Variants in RGL1 observed in about 807,000 individuals in gnomAD.
RGL1 encodes ral guanine nucleotide dissociation stimulator like 1, also known as ral guanine nucleotide dissociation stimulator-like 1.
A neutral mutation model predicts 95.2 loss-of-function variants in RGL1; 24 were observed. The observed-to-expected ratio is 0.25, with a 90% CI of 0.18 to 0.35. RGL1 has a LOEUF of 0.35. Among genes scored for constraint, RGL1 ranks in the 10% least tolerant of loss-of-function variants. The probability of loss-of-function intolerance (pLI) is 1.00; values close to 1 mark genes in which losing one functional copy is unlikely to be tolerated. For synonymous variants in RGL1, 329 were observed against 344.9 expected (o/e 0.95, Z 0.51); for missense variants, 715 against 936.3 (o/e 0.76, Z 3.08).
Position 183,926,564 on chromosome 1 carries a change from A to C in RGL1, c.*272A>C. The C allele has an allele frequency of 4.3e-6, 1 of 235,136 alleles. No homozygotes were observed. Among genetic ancestry groups the C allele is most frequent in the Non-Finnish European group, 8.3e-6 (1 of 120,214 alleles). 14.6% of individuals were successfully genotyped at this position (235,136 alleles called of 1,614,324 possible). On this transcript the variant is annotated 3_prime_UTR_variant, in exon 18 of 18. Coordinates refer to ENST00000360851, the MANE Select transcript of RGL1 (RefSeq NM_001297671.3). ...CAACATTTAAAACATATATATGCAC[A>C]TGTATTTGGTATGCATGTGTATCTA...
intron 2 of RGL1, 21 bp downstream of exon 2, chr1:183,806,506 G>T: frequency 6.6e-7 from 1 of 1,504,302 alleles, no homozygotes; most frequent in Non-Finnish European, 9.3e-7. Flanking sequence ...CTGGCGAGAT[G>T]GTGAACTTTG....
In RGL1 at chr1:183,884,761, C is replaced by T. The variant is rs201100414; in HGVS notation, c.774C>T (p.Gly258=). ...FKKVVPHHCL[G]CIWSRRDKKE... Reference sequence around the variant, plus strand: ...AAGTAGTGCCTCACCACTGCCTGGGCTGCATTTGGTCTCGAAGGGATAAGA... The same window carrying T: ...AAGTAGTGCCTCACCACTGCCTGGGTTGCATTTGGTCTCGAAGGGATAAGA... Residue 258 remains glycine (G), a synonymous_variant, in exon 7 of 18, where the codon GGC becomes GGT. Coordinates refer to ENST00000360851, the MANE Select transcript of RGL1 (RefSeq NM_001297671.3). 6.2e-6 allele frequency: 10 copies of T among 1,614,068 alleles called. No homozygotes were observed. The African/African-American group carries it at 1.1e-4, about 17-fold the overall frequency.
intron 1 of RGL1, among the ~76,000 whole-genome samples, chr1:183,638,198 G>T (rs566830331): frequency 2.6e-5 from 4 of 152,264 alleles, no homozygotes; most frequent in Non-Finnish European, 4.4e-5. Context: ...AATAGTGAAA[G>T]AAATTTAAAT....
intron 1 of RGL1, among the ~76,000 whole-genome samples, chr1:183,664,900 T>C (rs1651925674): frequency 6.6e-6 from 1 of 152,132 alleles, no homozygotes; most frequent in South Asian, 2.1e-4. Flanking sequence ...TTGTGTTAGC[T>C]AGGATTTCCA....
At chr1:183,748,906 C>T (rs1657823688) in intron 2 of RGL1, among the ~76,000 whole-genome samples, 1 of 152,124 alleles carries the variant, frequency 6.6e-6, no homozygotes, top group African/African-American at 2.4e-5. Flanking sequence ...GCAAGTTGTT[C>T]AGTTTCCATG....
At chr1:183,697,717 A>G (rs892844971) in intron 1 of RGL1, among the ~76,000 whole-genome samples, 1 of 152,218 alleles carries the variant, frequency 6.6e-6, no homozygotes, top group Non-Finnish European at 1.5e-5. Context: ...CCAAATTTGA[A>G]TTTTTAGTTG....
chr1:183,665,732 C>A (rs933701760), intron 1 of RGL1, among the ~76,000 whole-genome samples: 1 of 151,842 alleles, frequency 6.6e-6, no homozygotes, highest in African/African-American at 2.4e-5. Flanking sequence ...TGATGATGTC[C>A]CCTCTTTCAT....
chr1:183,888,604 T>C, intron 8 of RGL1, 27 bp downstream of exon 8: 1 of 1,446,054 alleles, frequency 6.9e-7, no homozygotes, highest in Non-Finnish European at 9.7e-7. Context: ...TTGCTCTGCT[T>C]TTCTTTGGCC....
intron 2 of RGL1, among the ~76,000 whole-genome samples, chr1:183,830,577 T>G (rs1663192774): frequency 6.6e-6 from 1 of 152,132 alleles, no homozygotes; most frequent in Non-Finnish European, 1.5e-5. Flanking sequence ...CAGTGGCATC[T>G]ACATCAGATA....
At chr1:183,806,560 C>A in intron 2 of RGL1, 75 bp downstream of exon 2, 5 of 1,022,996 alleles carry the variant, frequency 4.9e-6, no homozygotes, top group Non-Finnish European at 7.3e-6. Context: ...TATTATTTAA[C>A]AGAGGCAGGC....
chr1:183,782,567 A>G (rs1027525550), intron 2 of RGL1, among the ~76,000 whole-genome samples: 2 of 152,206 alleles, frequency 1.3e-5, no homozygotes, highest in Non-Finnish European at 2.9e-5. Context: ...ACATATTTTT[A>G]TGGCTGAACA....
chr1:183,886,307 C>A (rs1180019034), intron 7 of RGL1, among the ~76,000 whole-genome samples: 1 of 152,092 alleles, frequency 6.6e-6, no homozygotes, highest in Non-Finnish European at 1.5e-5. Context: ...TATTCTAAAT[C>A]GAGCTTATTG....
At chr1:183,885,731 T>G (rs538304355) in intron 7 of RGL1, among the ~76,000 whole-genome samples, 10 of 152,314 alleles carry the variant, frequency 6.6e-5, no homozygotes, top group Admixed American at 5.9e-4. Context: ...ATTATTTGTT[T>G]GCAGGAACCC....
At chr1:183,794,052 G>T (rs1660567849) in intron 2 of RGL1, among the ~76,000 whole-genome samples, 2 of 114,426 alleles carry the variant, frequency 1.7e-5, no homozygotes, top group South Asian at 5.4e-4. Flanking sequence ...TAAAGAAAAT[G>T]TGGACACACA....
intron 3 of RGL1, among the ~76,000 whole-genome samples, chr1:183,863,879 A>G (rs1316736647): frequency 6.6e-6 from 1 of 152,188 alleles, no homozygotes; most frequent in East Asian, 1.9e-4. Context: ...TAGCCAGGAG[A>G]AATACTTCTG....
intron 3 of RGL1, among the ~76,000 whole-genome samples, chr1:183,860,095 A>C (rs1665413628): frequency 6.6e-6 from 1 of 152,184 alleles, no homozygotes; most frequent in African/African-American, 2.4e-5. Flanking sequence ...TCAGTTACAG[A>C]AAAATGCCTA....
chr1:183,657,294 A>C (rs1359035319), intron 1 of RGL1, among the ~76,000 whole-genome samples: 1 of 152,076 alleles, frequency 6.6e-6, no homozygotes, highest in East Asian at 1.9e-4. Context: ...TTTTTTAAAA[A>C]ATTTTATTAT....
intron 1 of RGL1, among the ~76,000 whole-genome samples, chr1:183,655,634 C>T (rs1008141698): frequency 6.6e-6 from 1 of 152,116 alleles, no homozygotes; most frequent in African/African-American, 2.4e-5. Flanking sequence ...GGTGGATCTT[C>T]GAGCTCGGGG....
chr1:183,835,505 T>C (rs1229729081), intron 2 of RGL1, among the ~76,000 whole-genome samples: 1 of 152,210 alleles, frequency 6.6e-6, no homozygotes, highest in Non-Finnish European at 1.5e-5. Flanking sequence ...TGGCTTTCCT[T>C]GAGCCCTTGG....
Sources: allele counts gnomAD v4.1 joint callset (sites outside exome capture counted in the v4.1 genomes callset), GRCh38; gene constraint gnomAD v4.1.1; transcripts MANE v1.5; gene names NCBI Gene and HGNC (gene_info 2026-07-23, HGNC 2026-07-21).